Variants in PRTFDC1 observed in about 807,000 individuals in gnomAD.
The protein encoded by PRTFDC1 is phosphoribosyl transferase domain containing 1, also known as phosphoribosyltransferase domain-containing protein 1.
In PRTFDC1, 38 loss-of-function variants were observed where a neutral mutation model predicts 34.6. The ratio of observed to expected loss-of-function variants is 1.10; its 90% confidence interval spans 0.85 to 1.44. The LOEUF (loss-of-function observed/expected upper bound fraction) is 1.44. Ranked by LOEUF, PRTFDC1 falls within the 40% of genes most tolerant of loss-of-function variation. The probability of loss-of-function intolerance (pLI) is 0.00; values close to 1 mark genes in which losing one functional copy is unlikely to be tolerated. For missense variants in PRTFDC1, 270 were observed against 283.0 expected, an observed-to-expected ratio of 0.95 and a Z score of 0.33; for synonymous variants, 93 against 98.1, an observed-to-expected ratio of 0.95 and a Z score of 0.31.
chr10:24,934,103 T>C (rs1476301432), intron 3 of PRTFDC1, among the ~76,000 whole-genome samples: 1 of 152,152 alleles, frequency 6.6e-6, no homozygotes, highest in Non-Finnish European at 1.5e-5. Context: ...TGAATATTTA[T>C]AGCTGCTTTA....
intron 3 of PRTFDC1, among the ~76,000 whole-genome samples, chr10:24,920,553 G>A (rs891961309): frequency 2.0e-5 from 3 of 149,466 alleles, no homozygotes; most frequent in Non-Finnish European, 2.9e-5. Flanking sequence ...TGCGGCGACA[G>A]CATCAGGATA....
Position 24,952,489 on chromosome 10 carries a change from G to A in PRTFDC1, c.48+39C>T, listed in dbSNP as rs1251038203. The A allele has an allele frequency of 1.3e-6, 2 of 1,559,064 alleles. No homozygotes were observed. Among genetic ancestry groups the A allele is most frequent in the Non-Finnish European group, 1.7e-6 (2 of 1,149,086 alleles). On this transcript the variant is annotated intron_variant, in intron 1 of 8. Coordinates refer to ENST00000320152, the MANE Select transcript of PRTFDC1 (RefSeq NM_020200.7). The surrounding 1 kb of genome is among the most constrained non-coding windows in gnomAD (Gnocchi z 5.1). ...ACAAGCAGGGTGCCAGGGAGGGAGGGGAGCGGGCCGAGCCCCAAAATAGGG... is the reference window on the plus strand; with the variant it reads ...ACAAGCAGGGTGCCAGGGAGGGAGGAGAGCGGGCCGAGCCCCAAAATAGGG...
At chr10:24,908,599 C>A (rs1848575471) in intron 3 of PRTFDC1, 2 of 1,612,758 alleles carry the variant, frequency 1.2e-6, no homozygotes, top group Non-Finnish European at 8.5e-7. Context: ...GAGATTCTTG[C>A]AGGGGAGCAC....
chr10:24,919,010 T>C lies in PRTFDC1; in HGVS notation c.339+18174A>G, dbSNP rs1049242430. Among the ~76,000 whole-genome samples the C allele has an allele frequency of 2.0e-5, 3 of 152,162 alleles. No individual in the cohort carries two copies. The East Asian group carries it at 5.8e-4, about 29-fold the overall frequency. On this transcript the variant is annotated intron_variant, in intron 3 of 8. Transcript: ENST00000320152. ...CTGTCTGTGGATCACTTTCCTTACA[T>C]GTAAAATGGGGATAATAAATTACTT...
Position 24,937,267 on chromosome 10 carries a change from C to T in PRTFDC1, c.256G>A (p.Val86Ile), listed in dbSNP as rs1351818357. ...CGGCTGATGTTCTTAAGGTGTTCTA[C>T]GAGATCAGCACAGAATTTGTAACCT... ...KGGYKFCADL[V>I]EHLKNISRNS... The change falls in exon 3 of 9, where the codon GTA becomes ATA. Residue 86 changes from valine (V) to isoleucine (I), a missense_variant. Val to Ile is a conservative substitution (Grantham distance 29). Transcript: ENST00000320152. The T allele has an allele frequency of 2.4e-5, 39 of 1,613,798 alleles. No homozygotes were observed. Among genetic ancestry groups the T allele is most frequent in the Non-Finnish European group, 3.2e-5 (38 of 1,179,936 alleles).
At chr10:24,901,213 GA>G (rs1588602910) in intron 3 of PRTFDC1, among the ~76,000 whole-genome samples, 1 of 151,894 alleles carries the variant, frequency 6.6e-6, no homozygotes, top group East Asian at 1.9e-4. Flanking sequence ...CTTGTTTTTT[GA>G]ATGGCAGAGC....
intron 3 of PRTFDC1, among the ~76,000 whole-genome samples, chr10:24,872,598 G>T (rs927217412): frequency 6.6e-6 from 1 of 151,610 alleles, no homozygotes; most frequent in Non-Finnish European, 1.5e-5. Flanking sequence ...AAGAAGTATT[G>T]CACTTAGACC....
At chr10:24,909,238 G>A (rs1848588311) in intron 3 of PRTFDC1, among the ~76,000 whole-genome samples, 1 of 148,438 alleles carries the variant, frequency 6.7e-6, no homozygotes, top group Non-Finnish European at 1.5e-5. Context: ...TCATGATTGT[G>A]TCATTGCACT....
At chr10:24,946,442 G>GA (rs996181713) in intron 1 of PRTFDC1, among the ~76,000 whole-genome samples, 33 of 152,108 alleles carry the variant, frequency 2.2e-4, no homozygotes, top group African/African-American at 6.3e-4. Context: ...CCAAAAATAG[G>GA]AAAAAAATGA....
chr10:24,907,730 T>A (rs373831768), intron 3 of PRTFDC1, among the ~76,000 whole-genome samples: 1 of 152,240 alleles, frequency 6.6e-6, no homozygotes, highest in East Asian at 1.9e-4. Context: ...ATATCCTGGG[T>A]AGCTTCACTA....
At chr10:24,897,209 AAAAT>A (rs1555049068) in intron 3 of PRTFDC1, among the ~76,000 whole-genome samples, 3 of 152,066 alleles carry the variant, frequency 2.0e-5, no homozygotes, top group South Asian at 2.1e-4. Flanking sequence ...CTGTTTCAAA[AAAAT>A]AAATAAATAA....
Position 24,858,944 on chromosome 10 carries a change from G to A in PRTFDC1, c.406-535C>T, listed in dbSNP as rs72780341. On this transcript the variant is annotated intron_variant, in intron 4 of 8. Transcript: ENST00000320152. ...GAAAGGGCTGGGAGGTGCCTGGTCT[G>A]TATTTTTAGCGAGCTGGTTAGATTC... 4.8e-3 allele frequency among the ~76,000 whole-genome samples: 737 copies of A among 152,266 alleles called. 3 individuals carry two copies. The highest frequency in any genetic ancestry group is 9.1e-3 in the Admixed American group (139 of 15,292).
intron 3 of PRTFDC1, among the ~76,000 whole-genome samples, chr10:24,909,281 CA>C (rs1311347457): frequency 3.3e-5 from 5 of 151,126 alleles, no homozygotes; most frequent in African/African-American, 4.9e-5. Context: ...ACTTTCATCT[CA>C]AAAAAAAGGG....
chr10:24,929,040 CA>C (rs536613455), intron 3 of PRTFDC1, among the ~76,000 whole-genome samples: 12 of 73,592 alleles, frequency 1.6e-4, no homozygotes, highest in South Asian at 1.1e-3. Context: ...GACTCCGTCT[CA>C]AAAAAAAAAA....
At chr10:24,948,054 A>G (rs1439933141) in intron 1 of PRTFDC1, among the ~76,000 whole-genome samples, 1 of 151,816 alleles carries the variant, frequency 6.6e-6, no homozygotes, top group Non-Finnish European at 1.5e-5. Context: ...CAGAAGGAAA[A>G]CTCATTACCA....
intron 2 of PRTFDC1, 75 bp from the exon 3 acceptor site, chr10:24,937,442 T>C (rs1291843492): frequency 1.5e-6 from 2 of 1,352,116 alleles, no homozygotes; most frequent in African/African-American, 2.9e-5. Context: ...AAATGCAAGA[T>C]GTATTGTACG....
At chr10:24,925,743 C>T (rs1848862011) in intron 3 of PRTFDC1, among the ~76,000 whole-genome samples, 1 of 152,158 alleles carries the variant, frequency 6.6e-6, no homozygotes, top group African/African-American at 2.4e-5. Context: ...CCAGCTTCCT[C>T]CCTCCTAACT....
At chr10:24,912,255 C>T (rs1221657912) in intron 3 of PRTFDC1, among the ~76,000 whole-genome samples, 76 of 81,576 alleles carry the variant, frequency 9.3e-4, no homozygotes, top group African/African-American at 3.5e-3. Context: ...GGCAACAGAG[C>T]AAGACTTCAT....
At chr10:24,897,361 CAAAAT>C (rs1848384782) in intron 3 of PRTFDC1, among the ~76,000 whole-genome samples, 1 of 152,118 alleles carries the variant, frequency 6.6e-6, no homozygotes. Flanking sequence ...AAAAACCAAA[CAAAAT>C]AAAAAGGTAC....
Sources: allele counts gnomAD v4.1 joint callset (sites outside exome capture counted in the v4.1 genomes callset), GRCh38; gene constraint gnomAD v4.1.1; non-coding constraint Gnocchi (gnomAD v3.1); transcripts MANE v1.5; gene names NCBI Gene and HGNC (gene_info 2026-07-23, HGNC 2026-07-21).